Variants in TBC1D8 observed in about 807,000 individuals in gnomAD.
TBC1D8 encodes the protein TBC1 domain family member 8.
In TBC1D8, 65 loss-of-function variants were observed where a neutral mutation model predicts 118.8. That is an observed-to-expected ratio of 0.55 (90% confidence interval 0.45 to 0.67). TBC1D8 has a LOEUF of 0.67. TBC1D8 is among the 30% of genes least tolerant of loss of function. The pLI, the probability that TBC1D8 is intolerant of heterozygous loss-of-function variation, is 0.00. For missense variants in TBC1D8, 1,376 were observed against 1,471.2 expected, an observed-to-expected ratio of 0.94 and a Z score of 1.06; for synonymous variants, 566 against 595.8, an observed-to-expected ratio of 0.95 and a Z score of 0.73.
intron 16 of TBC1D8, among the ~76,000 whole-genome samples, chr2:101,022,059 C>A (rs972385377): frequency 6.6e-6 from 1 of 152,232 alleles, no homozygotes; most frequent in Non-Finnish European, 1.5e-5. Context: ...GCAAGGTGAA[C>A]AGCCTCGTAT....
chr2:101,060,177 A>G (rs749354025), intron 2 of TBC1D8, among the ~76,000 whole-genome samples: 1 of 152,226 alleles, frequency 6.6e-6, no homozygotes, highest in Non-Finnish European at 1.5e-5. Flanking sequence ...AATGACAGAA[A>G]CATTTCTAAT....
Position 101,011,461 on chromosome 2 carries a change from C to G in TBC1D8, c.2907G>C (p.Gly969=). ...AAAAGAGGTACGTGCCATTGGGTTT[C>G]CCGAAAACCAGGGGTCTCGATGTTG... ...LLSTSRPLVF[G]KPNGDAVDYQ... is the part of the protein sequence containing the mutation. The change falls in exon 18 of 20, where the codon GGG becomes GGC. Residue 969 remains glycine (G), a synonymous_variant. Coordinates refer to ENST00000409318, the MANE Select transcript of TBC1D8 (RefSeq NM_001330348.2). 6.2e-7 allele frequency: 1 copy of G among 1,613,884 alleles called. No homozygotes were observed. Among genetic ancestry groups the G allele is most frequent in the Non-Finnish European group, 8.5e-7 (1 of 1,179,864 alleles).
chr2:101,057,949 G>A (rs1307985010), intron 3 of TBC1D8, among the ~76,000 whole-genome samples: 5 of 152,216 alleles, frequency 3.3e-5, no homozygotes, highest in African/African-American at 4.8e-5. Flanking sequence ...TACAGAAGCC[G>A]TTTTAAAATC....
chr2:101,061,903 C>T (rs1350492586), intron 2 of TBC1D8, among the ~76,000 whole-genome samples: 1 of 152,216 alleles, frequency 6.6e-6, no homozygotes, highest in East Asian at 1.9e-4. Context: ...ACTCTAGGCT[C>T]CCCAGCATGA....
intron 1 of TBC1D8, among the ~76,000 whole-genome samples, chr2:101,101,790 C>A (rs1319445683): frequency 1.3e-5 from 2 of 152,056 alleles, no homozygotes; most frequent in African/African-American, 4.8e-5. Context: ...CAAACTAATG[C>A]AGGAACAGAA....
At chr2:101,090,130 T>C in intron 2 of TBC1D8, 79 bp downstream of exon 2, 2 of 1,492,760 alleles carry the variant, frequency 1.3e-6, no homozygotes, top group South Asian at 2.5e-5. Context: ...AGGGGTTACC[T>C]TCAAGCTTCA....
intron 1 of TBC1D8, among the ~76,000 whole-genome samples, chr2:101,148,753 C>T (rs1043533719): frequency 6.6e-6 from 1 of 152,152 alleles, no homozygotes; most frequent in East Asian, 1.9e-4. Context: ...CTTAGGCCAC[C>T]ACTGCTTGCT....
At chr2:101,111,496 G>C (rs1050338502) in intron 1 of TBC1D8, among the ~76,000 whole-genome samples, 4 of 152,216 alleles carry the variant, frequency 2.6e-5, no homozygotes, top group Non-Finnish European at 4.4e-5. Context: ...AGCATTTCAA[G>C]GGCATTGCAA....
intron 2 of TBC1D8, among the ~76,000 whole-genome samples, chr2:101,080,034 C>A: frequency 6.6e-6 from 1 of 152,070 alleles, no homozygotes; most frequent in South Asian, 2.1e-4. Context: ...CTTTTGATAT[C>A]AGCATTTACT....
At chr2:101,099,576 C>A (rs943799694) in intron 1 of TBC1D8, among the ~76,000 whole-genome samples, 2 of 152,150 alleles carry the variant, frequency 1.3e-5, no homozygotes, top group African/African-American at 2.4e-5. Flanking sequence ...AACTTCAGAC[C>A]AATATCCCTG....
chr2:101,143,063 C>CTT lies in TBC1D8; in HGVS notation c.127+8062_127+8063dup, dbSNP rs11454446. On this transcript the variant is annotated intron_variant, in intron 1 of 19. Coordinates refer to ENST00000409318, the MANE Select transcript of TBC1D8 (RefSeq NM_001330348.2). The stretch of plus-strand genomic sequence containing the variant: ...TTATTGTTGATTTTTCTTTCCTTTC[C>CTT]TTTTTTTTTTTTTTCTTGAGACAGA... 3.4e-3 allele frequency among the ~76,000 whole-genome samples: 478 copies of CTT among 139,926 alleles called. 2 individuals are homozygous for CTT. Among genetic ancestry groups the CTT allele is most frequent in the African/African-American group, 5.5e-3 (208 of 37,496 alleles). 91.8% of individuals were successfully genotyped at this position (139,926 alleles called of 152,430 possible). A position where few individuals can be genotyped will look rare whatever the true frequency, so the allele number is the denominator to read the frequency against.
At chr2:101,025,738 T>C (rs1231410814) in intron 15 of TBC1D8, among the ~76,000 whole-genome samples, 2 of 152,198 alleles carry the variant, frequency 1.3e-5, no homozygotes, top group Non-Finnish European at 2.9e-5. Context: ...ACTGGGTGAA[T>C]TTCACTGCTT....
At chr2:101,066,832 C>T (rs1283914361) in intron 2 of TBC1D8, among the ~76,000 whole-genome samples, 6 of 151,398 alleles carry the variant, frequency 4.0e-5, no homozygotes, top group Non-Finnish European at 7.4e-5. Context: ...GTAATCTCAG[C>T]TACTCGAGAG....
intron 8 of TBC1D8, 119 bp downstream of exon 8, chr2:101,037,413 A>G (rs760721316): frequency 7.3e-7 from 1 of 1,377,582 alleles, no homozygotes; most frequent in Non-Finnish European, 9.8e-7. Flanking sequence ...AAGACGGAGG[A>G]GGAGCGTTAG....
At chr2:101,101,600 A>G (rs1676838339) in intron 1 of TBC1D8, among the ~76,000 whole-genome samples, 1 of 152,236 alleles carries the variant, frequency 6.6e-6, no homozygotes, top group Non-Finnish European at 1.5e-5. Context: ...ATACACATGT[A>G]TGTTTATTGC....
At chr2:101,144,034 C>T (rs1448391960) in intron 1 of TBC1D8, among the ~76,000 whole-genome samples, 1 of 152,258 alleles carries the variant, frequency 6.6e-6, no homozygotes, top group Non-Finnish European at 1.5e-5. Context: ...ACTGCACAGG[C>T]TCACATCTAT....
Position 101,007,747 on chromosome 2 carries a change from G to T in TBC1D8, c.*74C>A. ...AAGGTAGACTGAAATCTCGGTTTAG[G>T]GCTGACCCCAAGAAACAGTCTGGTT... On this transcript the variant is annotated 3_prime_UTR_variant, in exon 20 of 20. Transcript: ENST00000409318. 6.8e-7 allele frequency: 1 copy of T among 1,477,402 alleles called. No homozygotes were observed. The highest frequency in any genetic ancestry group is 9.2e-7 in the Non-Finnish European group (1 of 1,081,258). 91.5% of individuals were successfully genotyped at this position (1,477,402 alleles called of 1,614,324 possible).
Position 101,008,099 on chromosome 2 carries a change from G to A in TBC1D8, c.3190C>T (p.Arg1064Trp), listed in dbSNP as rs370459788. ...TCCTCAGGAGAAGGAGCTGAAGCCC[G>A]CAGCTCCTCCCCACACTCCTGGGAG... ...SCSQECGEEL[R>W]ASAPSPEDSV... is the part of the protein sequence containing the mutation. Residue 1064 changes from arginine to tryptophan, a missense_variant, in exon 20 of 20, where the codon CGG becomes TGG. Coordinates refer to ENST00000409318, the MANE Select transcript of TBC1D8 (RefSeq NM_001330348.2). 151 of 1,613,676 alleles carry A rather than the reference G, an allele frequency of 9.4e-5. No individual in the cohort carries two copies. Among genetic ancestry groups the A allele is most frequent in the Non-Finnish European group, 1.1e-4 (135 of 1,179,768 alleles).
intron 1 of TBC1D8, among the ~76,000 whole-genome samples, chr2:101,095,966 C>T (rs1489908431): frequency 2.0e-5 from 3 of 152,170 alleles, no homozygotes; most frequent in Non-Finnish European, 4.4e-5. Context: ...TCTTCCCCTC[C>T]CCCATACCTG....
Sources: allele counts gnomAD v4.1 joint callset (sites outside exome capture counted in the v4.1 genomes callset), GRCh38; gene constraint gnomAD v4.1.1; transcripts MANE v1.5; gene names NCBI Gene and HGNC (gene_info 2026-07-23, HGNC 2026-07-21).